KIRREL3: variants seen among roughly 807,000 people sequenced by gnomAD.
KIRREL3 encodes kin of IRRE-like protein 3.
KIRREL3 carries 36 observed loss-of-function variants against 89.7 expected under a neutral mutation model. That is an observed-to-expected ratio of 0.40 (90% confidence interval 0.31 to 0.53). The LOEUF is 0.53. Among genes scored for constraint, KIRREL3 ranks in the 20% least tolerant of loss-of-function variants. The pLI is 0.49. For missense variants in KIRREL3, 864 were observed against 1,056.6 expected, an observed-to-expected ratio of 0.82 and a Z score of 2.53; for synonymous variants, 445 against 441.4, an observed-to-expected ratio of 1.01 and a Z score of -0.10.
In KIRREL3 at chr11:126,696,111, G is replaced by T. The variant is rs1324945572; in HGVS notation, c.56-133199C>A. 6.6e-6 allele frequency among the ~76,000 whole-genome samples: 1 copy of T among 151,916 alleles called. No homozygotes were observed. The highest frequency in any genetic ancestry group is 2.4e-5 in the African/African-American group (1 of 41,350). On this transcript the variant is annotated intron_variant, in intron 1 of 16. Transcript: ENST00000525144. This position sits in a 1 kb window ranked among gnomAD's most constrained non-coding sequence, Gnocchi z 4.4. ...TCTACTAAAAATACAAAAAAAATTA[G>T]CCTGACATGGTGACACGTGCCTGTA... is the stretch of plus-strand genomic sequence containing the variant.
intron 1 of KIRREL3, among the ~76,000 whole-genome samples, chr11:126,804,474 G>A (rs1951141004): frequency 1.3e-5 from 2 of 152,150 alleles, no homozygotes; most frequent in Non-Finnish European, 2.9e-5. Context: ...CTTGTTTGTG[G>A]AAAGTAAAAA....
At chr11:126,767,496 G>A (rs1269511278) in intron 1 of KIRREL3, among the ~76,000 whole-genome samples, 2 of 152,176 alleles carry the variant, frequency 1.3e-5, no homozygotes, top group Admixed American at 1.3e-4. Context: ...AGCCCTGAGT[G>A]TTAGTTTTGA....
rs189729472 is a variant in KIRREL3, at chr11:126,879,820, C to G, written c.55+120635G>C. ...CTCAACTGGTCTTATGACCCTGAAC[C>G]TTCTGTCTCCAGAGACAAACAACAT... On this transcript the variant is annotated intron_variant, in intron 1 of 16. Coordinates refer to ENST00000525144, the MANE Select transcript of KIRREL3 (RefSeq NM_032531.4). This position sits in a 1 kb window ranked among gnomAD's most constrained non-coding sequence, Gnocchi z 5.4. 2.6e-4 allele frequency among the ~76,000 whole-genome samples: 40 copies of G among 152,312 alleles called. No individual in the cohort carries two copies. The highest frequency in any genetic ancestry group is 2.4e-3 in the Admixed American group (37 of 15,306).
chr11:126,701,044 C>G (rs192694804), intron 1 of KIRREL3, among the ~76,000 whole-genome samples: 2 of 152,296 alleles, frequency 1.3e-5, no homozygotes, highest in East Asian at 1.9e-4. Flanking sequence ...CCTGAACATA[C>G]GTCAGTGTCT....
At chr11:126,845,071 G>A (rs949427051) in intron 1 of KIRREL3, among the ~76,000 whole-genome samples, 5 of 152,252 alleles carry the variant, frequency 3.3e-5, no homozygotes, top group South Asian at 2.1e-4. Flanking sequence ...GTCAGAGGGT[G>A]GATTAACGAT....
Position 126,526,495 on chromosome 11 carries a change from G to T in KIRREL3, c.283+43C>A. On this transcript the variant is annotated intron_variant, in intron 3 of 16. Coordinates refer to ENST00000525144, the MANE Select transcript of KIRREL3 (RefSeq NM_032531.4). This position sits in a 1 kb window ranked among gnomAD's most constrained non-coding sequence, Gnocchi z 5.7. ...GGAAGGTGGATGGGTGAGTAAGGAA[G>T]TGATGGCCCCAGGCCCACCCCAGGA... The T allele has an allele frequency of 1.3e-6, 2 of 1,582,038 alleles. No individual in the cohort carries two copies. The highest frequency in any genetic ancestry group is 1.7e-6 in the Non-Finnish European group (2 of 1,157,074).
intron 1 of KIRREL3, among the ~76,000 whole-genome samples, chr11:126,942,135 G>A (rs949118355): frequency 1.6e-4 from 25 of 152,202 alleles, no homozygotes; most frequent in East Asian, 9.7e-4. Flanking sequence ...GGAATAGAGC[G>A]TACGCCCATG....
chr11:126,448,279 C>CAAAAAAAAAAAAAA (rs55787866), intron 8 of KIRREL3, among the ~76,000 whole-genome samples: 1 of 95,380 alleles, frequency 1.0e-5, no homozygotes, highest in African/African-American at 4.1e-5. Context: ...GAGACTGTCT[C>CAAAAAAAAAAAAAA]AAAAAAAAAA....
At chr11:126,751,315 T>C (rs921405129) in intron 1 of KIRREL3, among the ~76,000 whole-genome samples, 9 of 152,268 alleles carry the variant, frequency 5.9e-5, no homozygotes, top group African/African-American at 1.4e-4. Context: ...AGAAAGTTCT[T>C]ATGCCTAAGC....
At position 126,867,808 on chromosome 11, in the gene KIRREL3, A is replaced by G. The variant is rs553522092; in HGVS notation, c.55+132647T>C. Reference sequence around the variant, plus strand: ...AATTTTTACTGCCGCTCAGTCCAGTATGACTTCTAAGGTAATTGATTTTTA... The same window carrying G: ...AATTTTTACTGCCGCTCAGTCCAGTGTGACTTCTAAGGTAATTGATTTTTA... On this transcript the variant is annotated intron_variant, in intron 1 of 16. Transcript: ENST00000525144. The surrounding 1 kb of genome is among the most constrained non-coding windows in gnomAD (Gnocchi z 4.7). Among the ~76,000 whole-genome samples, 17 of 152,244 alleles carry G rather than the reference A, an allele frequency of 1.1e-4. No individual in the cohort carries two copies. The South Asian group carries it at 3.5e-3, about 32-fold the overall frequency.
intron 9 of KIRREL3, among the ~76,000 whole-genome samples, chr11:126,446,148 CAAAAAAAA>C (rs56820180): frequency 1.2e-5 from 1 of 83,236 alleles, no homozygotes; most frequent in Non-Finnish European, 2.3e-5. Context: ...AACTCCATCT[CAAAAAAAA>C]AAAAAAAAAA....
chr11:126,470,206 G>C (rs1956847203), intron 5 of KIRREL3, among the ~76,000 whole-genome samples: 1 of 152,234 alleles, frequency 6.6e-6, no homozygotes, highest in African/African-American at 2.4e-5. Context: ...CATTGACTCT[G>C]CTAGGGTCCA....
At chr11:126,738,330 A>G (rs1565691773) in intron 1 of KIRREL3, among the ~76,000 whole-genome samples, 1 of 151,978 alleles carries the variant, frequency 6.6e-6, no homozygotes, top group African/African-American at 2.4e-5. Context: ...TGAGCAGGTG[A>G]GCGCTCTCTT....
intron 1 of KIRREL3, among the ~76,000 whole-genome samples, chr11:126,866,115 G>C (rs1173997342): frequency 2.0e-5 from 3 of 152,248 alleles, no homozygotes; most frequent in Non-Finnish European, 4.4e-5. Flanking sequence ...AGAGAAATAT[G>C]TATGCTTCCA....
rs1008772478 is a variant in KIRREL3, at chr11:126,609,458, TTGCAGCCTACC to T, written c.56-46557_56-46547del. On this transcript the variant is annotated intron_variant, in intron 1 of 16. Coordinates refer to ENST00000525144, the MANE Select transcript of KIRREL3 (RefSeq NM_032531.4). This position sits in a 1 kb window ranked among gnomAD's most constrained non-coding sequence, Gnocchi z 5.0. ...GGGACATGTATGAGGACGGTCTCCT[TTGCAGCCTACC>T]TGAAGTGAATGTGAGGCCGAGAGGC... Among the ~76,000 whole-genome samples the T allele has an allele frequency of 1.6e-4, 25 of 152,264 alleles. No homozygotes were observed. Among genetic ancestry groups the T allele is most frequent in the African/African-American group, 6.0e-4 (25 of 41,556 alleles).
chr11:126,524,396 G>A (rs1958686514), intron 3 of KIRREL3, among the ~76,000 whole-genome samples: 1 of 152,154 alleles, frequency 6.6e-6, no homozygotes, highest in African/African-American at 2.4e-5. Flanking sequence ...GGACCCTTTG[G>A]GGTTAACAGG....
rs745492853 is a variant in KIRREL3, at chr11:126,608,124, T to A, written c.56-45212A>T. On this transcript the variant is annotated intron_variant, in intron 1 of 16. Coordinates refer to ENST00000525144, the MANE Select transcript of KIRREL3 (RefSeq NM_032531.4). The surrounding 1 kb of genome is among the most constrained non-coding windows in gnomAD (Gnocchi z 4.9). ...ACAGGTGGGACAGGGTGGGCCCAGG[T>A]GGAGTCTGAGCTGGGTGCCAATTCC... 1.3e-5 allele frequency among the ~76,000 whole-genome samples: 2 copies of A among 151,656 alleles called. No individual in the cohort carries two copies. The highest frequency in any genetic ancestry group is 2.9e-5 in the Non-Finnish European group (2 of 67,912).
chr11:126,985,374 G>A lies in KIRREL3; in HGVS notation c.55+15081C>T, dbSNP rs1949834259. Reference sequence around the variant, plus strand: ...AGGACCCAGCCCTGGCCGCCAGGAAGCTCACAATATGGAAGGGAAGGCGGA... The same window carrying A: ...AGGACCCAGCCCTGGCCGCCAGGAAACTCACAATATGGAAGGGAAGGCGGA... On this transcript the variant is annotated intron_variant, in intron 1 of 16. Coordinates refer to ENST00000525144, the MANE Select transcript of KIRREL3 (RefSeq NM_032531.4). The surrounding 1 kb of genome is among the most constrained non-coding windows in gnomAD (Gnocchi z 5.3). Among the ~76,000 whole-genome samples, 1 of 152,166 alleles carries A rather than the reference G, an allele frequency of 6.6e-6. No individual in the cohort carries two copies. The highest frequency in any genetic ancestry group is 2.1e-4 in the South Asian group (1 of 4,836).
At chr11:126,452,322 G>A (rs1477240503) in intron 7 of KIRREL3, among the ~76,000 whole-genome samples, 1 of 152,202 alleles carries the variant, frequency 6.6e-6, no homozygotes, top group Non-Finnish European at 1.5e-5. Flanking sequence ...GAGTCAGGCC[G>A]GCCCCTGCCT....
Sources: gnomAD v4.1 joint callset for allele counts (sites outside exome capture counted in the v4.1 genomes callset) on GRCh38, gnomAD v4.1.1 for gene constraint, Gnocchi (gnomAD v3.1) non-coding constraint, MANE v1.5 for transcripts, NCBI Gene and HGNC (gene_info 2026-07-23, HGNC 2026-07-21) for gene names.